Variants in KMT2C observed in about 807,000 individuals in gnomAD.
KMT2C encodes histone-lysine N-methyltransferase 2C.
In KMT2C, 88 loss-of-function variants were observed where a neutral mutation model predicts 507.9. The ratio of observed to expected loss-of-function variants is 0.17; its 90% CI spans 0.15 to 0.21. The LOEUF (loss-of-function observed/expected upper bound fraction) is 0.21, where lower values mean the gene tolerates loss of function less well. Ranked by LOEUF, KMT2C falls within the 10% of genes least tolerant of loss-of-function variation. The pLI is 1.00. For synonymous variants in KMT2C, 2,049 were observed against 2,080.8 expected, an observed-to-expected ratio of 0.98 and a Z score of 0.42; for missense variants, 4,954 against 5,957.8, an observed-to-expected ratio of 0.83 and a Z score of 5.55.
At chr7:152,400,482 G>C (rs1387853421) in intron 1 of KMT2C, among the ~76,000 whole-genome samples, 2 of 152,150 alleles carry the variant, frequency 1.3e-5, no homozygotes, top group African/African-American at 4.8e-5. Flanking sequence ...ATGAAAATAT[G>C]AAACACATCA....
At chr7:152,361,911 T>C (rs554121672) in intron 1 of KMT2C, among the ~76,000 whole-genome samples, 11 of 152,334 alleles carry the variant, frequency 7.2e-5, no homozygotes, top group African/African-American at 2.4e-4. Context: ...TGAAACATTA[T>C]AGTTTGAAGC....
chr7:152,277,945 T>A lies in KMT2C; in HGVS notation c.850-4078A>T, dbSNP rs557274640. Among the ~76,000 whole-genome samples, 5 of 152,338 alleles carry A rather than the reference T, an allele frequency of 3.3e-5. No homozygotes were observed. In the South Asian group the frequency reaches 1.0e-3, roughly 32 times the overall value. ...TACTACATAACACATATACATATTT[T>A]ACATATTACTACAGACTTCATTTAT... is the stretch of plus-strand genomic sequence containing the variant. On this transcript the variant is annotated intron_variant, in intron 6 of 58. Coordinates refer to ENST00000262189, the MANE Select transcript of KMT2C (RefSeq NM_170606.3).
At chr7:152,427,584 A>C (rs1300892758) in intron 1 of KMT2C, among the ~76,000 whole-genome samples, 1 of 152,146 alleles carries the variant, frequency 6.6e-6, no homozygotes, top group Non-Finnish European at 1.5e-5. Context: ...CTCTACTACT[A>C]ATACTGCTGC....
chr7:152,266,125 CCTAT>C (rs913877574), intron 7 of KMT2C, among the ~76,000 whole-genome samples: 1 of 152,216 alleles, frequency 6.6e-6, no homozygotes, highest in African/African-American at 2.4e-5. Flanking sequence ...TTTGATCATT[CCTAT>C]CTACTATTCT....
intron 23 of KMT2C, among the ~76,000 whole-genome samples, chr7:152,211,604 A>G (rs538676924): frequency 6.6e-6 from 1 of 152,394 alleles, no homozygotes; most frequent in Admixed American, 6.5e-5. Flanking sequence ...GATGAGGTTC[A>G]TAGTGACACC....
chr7:152,393,341 C>T (rs2097514767), intron 1 of KMT2C, among the ~76,000 whole-genome samples: 1 of 152,108 alleles, frequency 6.6e-6, no homozygotes, highest in South Asian at 2.1e-4. Context: ...TTTACAGCTC[C>T]AAAATATTTA....
At chr7:152,344,459 T>C (rs1398834332) in intron 2 of KMT2C, among the ~76,000 whole-genome samples, 2 of 152,214 alleles carry the variant, frequency 1.3e-5, no homozygotes, top group Non-Finnish European at 2.9e-5. Context: ...GAATTGTTTA[T>C]TTCTGGAATT....
intron 1 of KMT2C, among the ~76,000 whole-genome samples, chr7:152,415,835 G>C (rs562022332): frequency 6.6e-6 from 1 of 151,564 alleles, no homozygotes; most frequent in Admixed American, 6.6e-5. Context: ...AGCCAAGATC[G>C]TGCCACGGCA....
At chr7:152,167,892 C>G (rs978784891) in intron 41 of KMT2C, among the ~76,000 whole-genome samples, 6 of 151,782 alleles carry the variant, frequency 4.0e-5, no homozygotes, top group African/African-American at 1.5e-4. Flanking sequence ...GAAAAGGAAC[C>G]CAGAATGTTT....
intron 7 of KMT2C, among the ~76,000 whole-genome samples, chr7:152,269,489 G>A (rs2095918465): frequency 6.6e-6 from 1 of 152,100 alleles, no homozygotes; most frequent in African/African-American, 2.4e-5. Context: ...AATTAAATAT[G>A]AATATTTAGA....
At chr7:152,292,877 C>T (rs561468016) in intron 6 of KMT2C, among the ~76,000 whole-genome samples, 1 of 152,300 alleles carries the variant, frequency 6.6e-6, no homozygotes, top group South Asian at 2.1e-4. Flanking sequence ...CCAAACTCTG[C>T]ACAACCTTAC....
At chr7:152,228,646 G>A (rs555858930) in intron 18 of KMT2C, among the ~76,000 whole-genome samples, 1 of 152,252 alleles carries the variant, frequency 6.6e-6, no homozygotes, top group Non-Finnish European at 1.5e-5. Flanking sequence ...TTCGGTAATT[G>A]TTGGATGGGT....
chr7:152,375,015 C>A (rs2097317504), intron 1 of KMT2C, among the ~76,000 whole-genome samples: 1 of 152,064 alleles, frequency 6.6e-6, no homozygotes, highest in Non-Finnish European at 1.5e-5. Context: ...TACAGACATA[C>A]CTCATTTTAT....
chr7:152,296,445 A>G lies in KMT2C; in HGVS notation c.849+13521T>C, dbSNP rs575885325. 7.5e-3 allele frequency among the ~76,000 whole-genome samples: 1,121 copies of G among 149,530 alleles called. 8 individuals carry two copies. Among genetic ancestry groups the G allele is most frequent in the Middle Eastern group, 0.014 (4 of 294 alleles). On this transcript the variant is annotated intron_variant, in intron 6 of 58. Coordinates refer to ENST00000262189, the MANE Select transcript of KMT2C (RefSeq NM_170606.3). ...GAAACTCCATCTCAAAAAAAAAAAA[A>G]AGAGAGAGAGAGAGAGAGAGAAATA...
At chr7:152,418,222 G>A (rs2097757704) in intron 1 of KMT2C, among the ~76,000 whole-genome samples, 1 of 152,110 alleles carries the variant, frequency 6.6e-6, no homozygotes, top group Non-Finnish European at 1.5e-5. Flanking sequence ...TTACAGGCGT[G>A]AGCCACCATG....
At chr7:152,309,377 G>T (rs1276835719) in intron 6 of KMT2C, among the ~76,000 whole-genome samples, 2 of 147,282 alleles carry the variant, frequency 1.4e-5, no homozygotes, top group African/African-American at 5.1e-5. Context: ...AGTATGGAGT[G>T]CAGTGGTGCA....
chr7:152,336,155 G>GGACT (rs1371972719), intron 2 of KMT2C, among the ~76,000 whole-genome samples: 2 of 152,070 alleles, frequency 1.3e-5, no homozygotes, highest in Non-Finnish European at 2.9e-5. Flanking sequence ...CAAATAAAGA[G>GGACT]GACTCTATGA....
chr7:152,250,998 GA>G (rs770555187), intron 11 of KMT2C, 32 bp from the exon 12 acceptor site: 1 of 1,256,836 alleles, frequency 8.0e-7, no homozygotes, highest in Non-Finnish European at 1.2e-6. Context: ...CTTTAGCTCA[GA>G]ATGAGTTTTT....
At chr7:152,151,623 T>G in intron 49 of KMT2C, 42 bp from the exon 50 acceptor site, 1 of 1,575,750 alleles carries the variant, frequency 6.3e-7, no homozygotes, top group East Asian at 2.2e-5. Flanking sequence ...AACTGACTGA[T>G]GACACAAGGT....
Sources: allele counts gnomAD v4.1 joint callset (sites outside exome capture counted in the v4.1 genomes callset), GRCh38; gene constraint gnomAD v4.1.1; transcripts MANE v1.5; gene names NCBI Gene and HGNC (gene_info 2026-07-23, HGNC 2026-07-21).